USP48: variants seen among roughly 807,000 people sequenced by gnomAD.
The protein encoded by USP48 is ubiquitin specific peptidase 48.
Under a neutral mutation model 150.7 loss-of-function variants are expected in USP48, and 43 were observed. The ratio of observed to expected loss-of-function variants is 0.29; its 90% confidence interval spans 0.22 to 0.37. USP48 has a LOEUF of 0.37. Among genes scored for constraint, USP48 ranks in the 10% least tolerant of loss-of-function variants. The pLI, the probability that USP48 is intolerant of heterozygous loss-of-function variation, is 1.00. For synonymous variants in USP48, 396 were observed against 425.9 expected (o/e 0.93, Z 0.86); for missense variants, 813 against 1,249.6 (o/e 0.65, Z 5.27).
At chr1:21,777,599 T>C (rs1416011569) in intron 1 of USP48, among the ~76,000 whole-genome samples, 1 of 151,682 alleles carries the variant, frequency 6.6e-6, no homozygotes, top group East Asian at 1.9e-4. Context: ...ACCAGGAGTT[T>C]AAGGCTACAG....
At chr1:21,745,539 G>A (rs778048627) in intron 8 of USP48, among the ~76,000 whole-genome samples, 33 of 152,082 alleles carry the variant, frequency 2.2e-4, no homozygotes, top group Non-Finnish European at 1.6e-4. Context: ...TAGCCTGGGC[G>A]ACAGAGCCAG....
rs2097796274 is a variant in USP48 at position 21,747,071 on chromosome 1, A to G, written c.987T>C (p.His329=). The G allele has an allele frequency of 6.2e-7, 1 of 1,606,548 alleles. No individual in the cohort carries two copies. Among genetic ancestry groups the G allele is most frequent in the Non-Finnish European group, 8.5e-7 (1 of 1,176,480 alleles). ...EILDMEPYVE[H]KGGSYVYELS... The stretch of plus-strand genomic sequence containing the variant: ...ACTCCTCAGTAAAAATATTACCTTT[A>G]TGTTCCACATAAGGCTCCATATCCA... Residue 329 remains histidine, a synonymous_variant, in exon 8 of 27, where the codon CAT becomes CAC. Coordinates refer to ENST00000308271, the MANE Select transcript of USP48 (RefSeq NM_032236.8).
chr1:21,697,858 T>A (rs1241540382), intron 22 of USP48, among the ~76,000 whole-genome samples: 5 of 152,096 alleles, frequency 3.3e-5, no homozygotes, highest in Non-Finnish European at 4.4e-5. Flanking sequence ...TAAAGGCTTT[T>A]CCTGGAATTA....
chr1:21,680,405 AT>A (rs1184295553), intron 26 of USP48, among the ~76,000 whole-genome samples: 1 of 152,236 alleles, frequency 6.6e-6, no homozygotes, highest in South Asian at 2.1e-4. Context: ...ACTGGACTTG[AT>A]AAAACCTGAC....
chr1:21,746,673 C>T (rs1205452206), intron 8 of USP48, among the ~76,000 whole-genome samples: 4 of 152,064 alleles, frequency 2.6e-5, no homozygotes, highest in Admixed American at 2.6e-4. Flanking sequence ...AATTATGCCA[C>T]CTAATGTTTC....
intron 1 of USP48, among the ~76,000 whole-genome samples, chr1:21,772,277 A>G (rs552543756): frequency 6.6e-6 from 1 of 152,288 alleles, no homozygotes; most frequent in East Asian, 1.9e-4. Flanking sequence ...AAGGAAAAAA[A>G]GCCCACAAAG....
intron 8 of USP48, among the ~76,000 whole-genome samples, chr1:21,742,583 G>A (rs575848165): frequency 6.1e-5 from 9 of 146,664 alleles, no homozygotes; most frequent in Admixed American, 6.1e-4. Context: ...AAAAGAAAAA[G>A]AAAAGAAAAG....
At chr1:21,681,140 T>C (rs2152488988) in intron 25 of USP48, 1 of 225,402 alleles carries the variant, frequency 4.4e-6, no homozygotes, top group Non-Finnish European at 8.6e-6. Context: ...CTGACTCCTC[T>C]GGAGCTGTCT....
At position 21,783,001 on chromosome 1, in the gene USP48, C is replaced by T. The variant is rs1352886011; in HGVS notation, c.-44G>A. The T allele has an allele frequency of 4.1e-6, 6 of 1,479,034 alleles. No homozygotes were observed. Among genetic ancestry groups the T allele is most frequent in the Non-Finnish European group, 5.3e-6 (6 of 1,123,348 alleles). 91.6% of individuals were successfully genotyped at this position (1,479,034 alleles called of 1,614,324 possible). On this transcript the variant is annotated 5_prime_UTR_variant, in exon 1 of 27. Transcript: ENST00000308271. ...GCCTCCCGAGCCAGACCGCCGCAGCCGCCGCCGCGGTCTGCACCGCCGCCC... is the reference window on the plus strand; with the variant it reads ...GCCTCCCGAGCCAGACCGCCGCAGCTGCCGCCGCGGTCTGCACCGCCGCCC...
At chr1:21,739,658 A>C (rs1009195247) in intron 8 of USP48, among the ~76,000 whole-genome samples, 4 of 152,192 alleles carry the variant, frequency 2.6e-5, no homozygotes, top group Admixed American at 2.6e-4. Flanking sequence ...GAACACTTAA[A>C]ATCTGTTATT....
At chr1:21,754,013 T>G (rs543977992) in intron 3 of USP48, among the ~76,000 whole-genome samples, 1 of 150,678 alleles carries the variant, frequency 6.6e-6, no homozygotes, top group Non-Finnish European at 1.5e-5. Flanking sequence ...ATACAAAAAT[T>G]AGTGGGGCAT....
chr1:21,701,782 C>T (rs2097657745), intron 21 of USP48, among the ~76,000 whole-genome samples, 180 bp from the exon 22 acceptor site: 1 of 152,170 alleles, frequency 6.6e-6, no homozygotes, highest in African/African-American at 2.4e-5. Context: ...GCTCTTTTAA[C>T]ATGTTAGTTT....
At chr1:21,723,045 G>T (rs1401265200) in intron 12 of USP48, among the ~76,000 whole-genome samples, 1 of 152,198 alleles carries the variant, frequency 6.6e-6, no homozygotes, top group African/African-American at 2.4e-5. Context: ...AGGGAGGATT[G>T]TGTTGGCAGC....
rs2097623456 is a variant in USP48, at chr1:21,695,213, A to G, written c.2736T>C (p.Gly912=). 4 of 1,610,314 alleles carry G rather than the reference A, an allele frequency of 2.5e-6. No homozygotes were observed. Among genetic ancestry groups the G allele is most frequent in the Non-Finnish European group, 3.4e-6 (4 of 1,178,854 alleles). ...GGGATATCTTTTGCCGCTTTGTTCC[A>G]CCATTGCTCTATAATGAAGATTGGA... The part of the protein sequence containing the change: ...EKDPDFNQSN[G]GTKRQKISHQ... Residue 912 remains glycine, a synonymous_variant, in exon 23 of 27, where the codon GGT becomes GGC. Coordinates refer to ENST00000308271, the MANE Select transcript of USP48 (RefSeq NM_032236.8).
intron 19 of USP48, 64 bp from the exon 20 acceptor site, chr1:21,704,456 C>T (rs1012613510): frequency 6.6e-7 from 1 of 1,505,120 alleles, no homozygotes; most frequent in Non-Finnish European, 8.8e-7. Context: ...TAACATAATC[C>T]ATTAGTCTGC....
chr1:21,683,989 T>C (rs1032083788), intron 25 of USP48, among the ~76,000 whole-genome samples: 3 of 152,190 alleles, frequency 2.0e-5, no homozygotes, highest in Admixed American at 6.5e-5. Context: ...AATAATAGTA[T>C]CCCATTGTAT....
intron 18 of USP48, 137 bp from the exon 19 acceptor site, chr1:21,705,974 A>T (rs2097671111): frequency 2.1e-6 from 2 of 940,392 alleles, no homozygotes; most frequent in East Asian, 6.0e-5. Context: ...AGGCTTATTC[A>T]TTTAATTAAT....
chr1:21,745,288 T>G (rs1223886053), intron 8 of USP48, among the ~76,000 whole-genome samples: 1 of 152,174 alleles, frequency 6.6e-6, no homozygotes, highest in African/African-American at 2.4e-5. Flanking sequence ...AATATTTATT[T>G]ATTTATTTAT....
chr1:21,699,969 C>T (rs1031156648), intron 22 of USP48, among the ~76,000 whole-genome samples: 7 of 149,168 alleles, frequency 4.7e-5, no homozygotes, highest in Non-Finnish European at 7.4e-5. Flanking sequence ...GGGTAAAGGG[C>T]GGCAGCAAAG....
Sources: allele counts gnomAD v4.1 joint callset (sites outside exome capture counted in the v4.1 genomes callset), GRCh38; gene constraint gnomAD v4.1.1; transcripts MANE v1.5; gene names NCBI Gene and HGNC (gene_info 2026-07-23, HGNC 2026-07-21).